Variants in EIPR1 observed in about 807,000 individuals in gnomAD.
EIPR1 encodes EARP complex and GARP complex interacting protein 1.
Under a neutral mutation model 48.1 loss-of-function variants are expected in EIPR1, and 25 were observed. That is an observed-to-expected ratio of 0.52 (90% confidence interval 0.38 to 0.73). EIPR1 has a LOEUF of 0.73. EIPR1 is among the 30% of genes least tolerant of loss of function. EIPR1 has a pLI of 0.00. For missense variants in EIPR1, 415 were observed against 506.2 expected, an observed-to-expected ratio of 0.82 and a Z score of 1.73; for synonymous variants, 204 against 201.9, an observed-to-expected ratio of 1.01 and a Z score of -0.09.
chr2:3,375,242 AG>A (rs1452110626), intron 1 of EIPR1, among the ~76,000 whole-genome samples: 2 of 70,954 alleles, frequency 2.8e-5, no homozygotes, highest in African/African-American at 5.8e-5. Context: ...GGGTGGGGGG[AG>A]GGGGGAGGGA....
At chr2:3,346,803 A>G (rs1490612184) in intron 2 of EIPR1, among the ~76,000 whole-genome samples, 1 of 152,186 alleles carries the variant, frequency 6.6e-6, no homozygotes, top group African/African-American at 2.4e-5. Flanking sequence ...AACCTTGGAC[A>G]AAAATCATAA....
chr2:3,349,499 C>G (rs989138144), intron 2 of EIPR1, among the ~76,000 whole-genome samples: 34 of 152,248 alleles, frequency 2.2e-4, no homozygotes, highest in African/African-American at 7.7e-4. Flanking sequence ...CAAAGAACTG[C>G]ACAATACCAC....
intron 1 of EIPR1, among the ~76,000 whole-genome samples, chr2:3,369,584 T>A (rs547733751): frequency 2.6e-4 from 39 of 152,282 alleles, no homozygotes; most frequent in African/African-American, 9.1e-4. Context: ...GGAGATTATA[T>A]CCCACACCTG....
intron 3 of EIPR1, among the ~76,000 whole-genome samples, chr2:3,313,265 T>TCA (rs1467006144): frequency 1.3e-5 from 2 of 152,170 alleles, no homozygotes; most frequent in African/African-American, 4.8e-5. Context: ...CAATTGGATA[T>TCA]CACCTGATCC....
At chr2:3,292,907 A>G (rs1031417094) in intron 3 of EIPR1, among the ~76,000 whole-genome samples, 4 of 151,854 alleles carry the variant, frequency 2.6e-5, no homozygotes, top group Admixed American at 2.6e-4. Flanking sequence ...GGCTAGGTCC[A>G]AAAAAGACTG....
At chr2:3,264,335 A>G (rs1667423283) in intron 3 of EIPR1, among the ~76,000 whole-genome samples, 1 of 152,136 alleles carries the variant, frequency 6.6e-6, no homozygotes, top group Non-Finnish European at 1.5e-5. Context: ...GGGCTGAGCA[A>G]TGCTCCATTT....
intron 4 of EIPR1, among the ~76,000 whole-genome samples, chr2:3,230,487 T>G (rs7593573): frequency 0.014 from 2,134 of 152,354 alleles, 48 homozygotes; most frequent in African/African-American, 0.049. Context: ...CACATGAGGT[T>G]AGGTGTAAAA....
At chr2:3,220,156 G>A (rs890705342) in intron 4 of EIPR1, among the ~76,000 whole-genome samples, 2 of 152,298 alleles carry the variant, frequency 1.3e-5, no homozygotes, top group Middle Eastern at 3.4e-3. Context: ...TGTCTTCCAC[G>A]AAACTGGTCC....
chr2:3,207,386 A>G (rs1665274163), intron 5 of EIPR1, among the ~76,000 whole-genome samples: 1 of 152,228 alleles, frequency 6.6e-6, no homozygotes, highest in African/African-American at 2.4e-5. Flanking sequence ...CCCCCGGCTC[A>G]GGTCGTCCTG....
chr2:3,341,185 C>T (rs1370498616), intron 2 of EIPR1, among the ~76,000 whole-genome samples: 1 of 149,378 alleles, frequency 6.7e-6, no homozygotes, highest in Non-Finnish European at 1.5e-5. Context: ...GCAATTCTCA[C>T]AGTAATGACA....
chr2:3,289,045 T>G (rs2103271017), intron 3 of EIPR1, among the ~76,000 whole-genome samples: 1 of 152,356 alleles, frequency 6.6e-6, no homozygotes, highest in East Asian at 1.9e-4. Flanking sequence ...CACGCACTGC[T>G]CAGCTTTCTG....
chr2:3,240,883 A>G (rs74206469), intron 4 of EIPR1, among the ~76,000 whole-genome samples: 20,538 of 52,256 alleles, frequency 0.39, 8,366 homozygotes, highest in East Asian at 0.73. Context: ...AAGCCAGAAG[A>G]TCCTTCCTAA....
chr2:3,280,855 G>A (rs186421828), intron 3 of EIPR1, among the ~76,000 whole-genome samples: 105 of 152,266 alleles, frequency 6.9e-4, no homozygotes, highest in African/African-American at 2.4e-3. Context: ...CAGGTTAGAG[G>A]TCTGAGCACA....
At chr2:3,365,593 G>C (rs938819915) in intron 1 of EIPR1, among the ~76,000 whole-genome samples, 6 of 150,616 alleles carry the variant, frequency 4.0e-5, no homozygotes, top group Non-Finnish European at 7.4e-5. Flanking sequence ...ATAAACAAGT[G>C]AACAAAGGTC....
intron 4 of EIPR1, among the ~76,000 whole-genome samples, chr2:3,230,320 C>A (rs907221136): frequency 1.3e-5 from 2 of 152,176 alleles, no homozygotes; most frequent in Non-Finnish European, 2.9e-5. Flanking sequence ...CCAGCCTGCA[C>A]ACATGACATT....
chr2:3,370,765 G>C (rs1671095640), intron 1 of EIPR1, among the ~76,000 whole-genome samples: 1 of 152,224 alleles, frequency 6.6e-6, no homozygotes, highest in South Asian at 2.1e-4. Context: ...CACCTGATTG[G>C]TGTACCTGAA....
intron 2 of EIPR1, among the ~76,000 whole-genome samples, chr2:3,351,441 C>A (rs973981271): frequency 1.3e-5 from 2 of 152,184 alleles, no homozygotes; most frequent in African/African-American, 4.8e-5. Flanking sequence ...CTTTCCATGG[C>A]CCCATTTTGT....
chr2:3,368,380 C>T (rs1016251120), intron 1 of EIPR1, among the ~76,000 whole-genome samples: 4 of 152,226 alleles, frequency 2.6e-5, no homozygotes, highest in Admixed American at 1.3e-4. Flanking sequence ...CCACCCCGAC[C>T]GTCCTTTCTG....
At chr2:3,367,559 C>T (rs568743986) in intron 1 of EIPR1, among the ~76,000 whole-genome samples, 32 of 152,258 alleles carry the variant, frequency 2.1e-4, no homozygotes, top group Non-Finnish European at 3.5e-4. Context: ...CAGATATTAA[C>T]GTGAAAATTT....
Sources: gnomAD v4.1 joint callset for allele counts (sites outside exome capture counted in the v4.1 genomes callset) on GRCh38, gnomAD v4.1.1 for gene constraint, MANE v1.5 for transcripts, NCBI Gene and HGNC (gene_info 2026-07-23, HGNC 2026-07-21) for gene names.